The following RBPJ variants were observed in gnomAD, a reference collection of about 807,000 sequenced individuals.
RBPJ encodes the protein recombination signal binding protein for immunoglobulin kappa J region.
A neutral mutation model predicts 67.8 loss-of-function variants in RBPJ; 9 were observed. The observed-to-expected ratio is 0.13, with a 90% CI of 0.08 to 0.23. The LOEUF (loss-of-function observed/expected upper bound fraction) is 0.23, where lower values mean the gene tolerates loss of function less well. RBPJ is among the 10% of genes least tolerant of loss of function. The probability of loss-of-function intolerance (pLI) is 1.00; values close to 1 mark genes in which losing one functional copy is unlikely to be tolerated. For synonymous variants in RBPJ, 198 were observed against 203.3 expected (o/e 0.97, Z 0.22); for missense variants, 305 against 595.6 (o/e 0.51, Z 5.08).
chr4:26,364,555 T>TTGA (rs61103343), intron 1 of RBPJ, among the ~76,000 whole-genome samples: 2,748 of 152,190 alleles, frequency 0.018, 85 homozygotes, highest in African/African-American at 0.064. Flanking sequence ...GCAGAGGTTT[T>TTGA]TGATGTACAG....
chr4:26,405,285 A>G (rs1015189195), intron 2 of RBPJ, among the ~76,000 whole-genome samples: 4 of 152,172 alleles, frequency 2.6e-5, no homozygotes, highest in Non-Finnish European at 5.9e-5. Context: ...TTGTATAGCT[A>G]TGCTCTTATA....
chr4:26,416,404 T>C (rs1305926053), intron 4 of RBPJ, among the ~76,000 whole-genome samples: 1 of 152,058 alleles, frequency 6.6e-6, no homozygotes, highest in African/African-American at 2.4e-5. Flanking sequence ...CTTTTTTGTA[T>C]TTTTTTGTAG....
rs1168473781 is a variant in RBPJ at position 26,424,390 on chromosome 4, C to G, written c.545C>G (p.Ser182Cys). 1 of 1,614,022 alleles carries G rather than the reference C, an allele frequency of 6.2e-7. No individual in the cohort carries two copies. Among genetic ancestry groups the G allele is most frequent in the South Asian group, 1.1e-5 (1 of 91,076 alleles). ...TKVALFNRLRSQTVSTRYLHV... is the reference protein window; with the variant it reads ...TKVALFNRLRCQTVSTRYLHV... ...GTGGCTCTGTTTAATCGACTACGAT[C>G]CCAGACAGTTAGTACCAGATACTTG... is the stretch of plus-strand genomic sequence containing the variant. The change falls in exon 6 of 11, where the codon TCC (serine) becomes TGC (cysteine). Residue 182 changes from serine to cysteine, a missense_variant. Ser to Cys is a moderately radical substitution (Grantham distance 112, BLOSUM62 -1). This residue lies in a region of RBPJ where 66 missense variants were observed against 226.0 expected (regional missense o/e 0.29). Coordinates refer to ENST00000355476, the MANE Select transcript of RBPJ (RefSeq NM_015874.6). The surrounding 1 kb of genome is among the most constrained non-coding windows in gnomAD (Gnocchi z 5.3).
intron 1 of RBPJ, among the ~76,000 whole-genome samples, chr4:26,276,858 G>A (rs1577381177): frequency 6.6e-6 from 1 of 152,152 alleles, no homozygotes; most frequent in African/African-American, 2.4e-5. Flanking sequence ...AGCAAGGGCG[G>A]AGTCAAAAAC....
At chr4:26,331,081 T>C (rs1020430005) in intron 1 of RBPJ, among the ~76,000 whole-genome samples, 1 of 152,094 alleles carries the variant, frequency 6.6e-6, no homozygotes, top group African/African-American at 2.4e-5. Context: ...TCCTGGTTTG[T>C]TTTAGGGGGA....
At chr4:26,129,790 T>C in the RBPJ span, among the ~76,000 whole-genome samples, 12,446 of 152,224 alleles carry the variant, frequency 0.082, 1,688 homozygotes, top group African/African-American at 0.28. Flanking sequence ...ATGGTCTATC[T>C]AGGATGGAGG....
chr4:26,266,257 T>A (rs960119482), intron 1 of RBPJ, among the ~76,000 whole-genome samples: 4 of 151,986 alleles, frequency 2.6e-5, no homozygotes, highest in East Asian at 1.9e-4. Context: ...AGAAAAAAAA[T>A]ATTTTCCTCA....
At chr4:26,231,205 C>T (rs1719271528) in intron 1 of RBPJ, among the ~76,000 whole-genome samples, 1 of 152,150 alleles carries the variant, frequency 6.6e-6, no homozygotes, top group Non-Finnish European at 1.5e-5. Context: ...AGGCTAGAGC[C>T]TCAAGGAGCT....
Position 26,434,497 on chromosome 4 carries a change from C to G in RBPJ, c.*3490C>G, listed in dbSNP as rs1217293019. On this transcript the variant is annotated 3_prime_UTR_variant, in exon 11 of 11. Transcript: ENST00000355476. ...AACAAATGTGTGTAATTTTCTGTGCCAGACTTATGACTTTGTTTTCAAGCA... is the reference window on the plus strand; with the variant it reads ...AACAAATGTGTGTAATTTTCTGTGCGAGACTTATGACTTTGTTTTCAAGCA... The G allele has an allele frequency of 6.6e-6, 1 of 152,150 alleles. No homozygotes were observed. Among genetic ancestry groups the G allele is most frequent in the African/African-American group, 2.4e-5 (1 of 41,442 alleles). The allele number at this position is 152,150 out of a possible 1,614,324, so 9.4% of individuals were successfully genotyped here. A position where few individuals can be genotyped will look rare whatever the true frequency, so the allele number is the denominator to read the frequency against.
intron 2 of RBPJ, among the ~76,000 whole-genome samples, chr4:26,398,740 A>T (rs1431209069): frequency 6.6e-6 from 1 of 152,076 alleles, no homozygotes; most frequent in South Asian, 2.1e-4. Context: ...CAGCCTCCCA[A>T]GTAGCTCAGA....
intron 1 of RBPJ, among the ~76,000 whole-genome samples, chr4:26,244,566 TTA>T (rs1279124293): frequency 6.6e-6 from 1 of 152,168 alleles, no homozygotes; most frequent in South Asian, 2.1e-4. Context: ...TATTGTTATT[TTA>T]TATGACTATA....
intron 1 of RBPJ, among the ~76,000 whole-genome samples, chr4:26,376,700 C>G (rs1729781063): frequency 6.6e-6 from 1 of 152,178 alleles, no homozygotes. Context: ...TTTGAGGAAC[C>G]ATACTGTTTT....
At chr4:26,131,227 T>C in the RBPJ span, among the ~76,000 whole-genome samples, 5 of 152,208 alleles carry the variant, frequency 3.3e-5, no homozygotes, top group African/African-American at 1.2e-4. Context: ...GCGGAAGCTG[T>C]GGCACTAGTA....
chr4:26,413,591 C>T (rs1470196664), intron 3 of RBPJ, among the ~76,000 whole-genome samples: 1 of 152,186 alleles, frequency 6.6e-6, no homozygotes, highest in Admixed American at 6.5e-5. Context: ...ACCCAGCTTA[C>T]TTCTTGTAAG....
Position 26,430,210 on chromosome 4 carries a change from A to C in RBPJ, c.1044+157A>C, listed in dbSNP as rs1736078038. 1.0e-6 allele frequency: 1 copy of C among 959,144 alleles called. No homozygotes were observed. Among genetic ancestry groups the C allele is most frequent in the East Asian group, 2.6e-5 (1 of 38,588 alleles). 59.4% of individuals were successfully genotyped at this position (959,144 alleles called of 1,614,324 possible). ...TTTGTTGATTTAAAGAAAAAAAAAC[A>C]AAATTAGGAGGAGCGTACTTGCCAG... On this transcript the variant is annotated intron_variant, in intron 9 of 10. Coordinates refer to ENST00000355476, the MANE Select transcript of RBPJ (RefSeq NM_015874.6). The surrounding 1 kb of genome is among the most constrained non-coding windows in gnomAD (Gnocchi z 4.1).
At chr4:26,149,006 G>A in the RBPJ span, among the ~76,000 whole-genome samples, 1 of 152,214 alleles carries the variant, frequency 6.6e-6, no homozygotes, top group Admixed American at 6.5e-5. Flanking sequence ...TACTGGGAGT[G>A]TGGTGAAGTC....
the RBPJ span, among the ~76,000 whole-genome samples, chr4:26,137,830 C>A: frequency 6.6e-6 from 1 of 152,184 alleles, no homozygotes; most frequent in African/African-American, 2.4e-5. Context: ...TTCAGCCCTC[C>A]CTAGTCTCAG....
At chr4:26,408,642 A>G (rs1020227562) in intron 3 of RBPJ, among the ~76,000 whole-genome samples, 2 of 152,216 alleles carry the variant, frequency 1.3e-5, no homozygotes, top group Non-Finnish European at 2.9e-5. Flanking sequence ...TAAATATTTT[A>G]AAGTTGTAAT....
At chr4:26,237,981 G>A (rs2109214170) in intron 1 of RBPJ, among the ~76,000 whole-genome samples, 1 of 152,228 alleles carries the variant, frequency 6.6e-6, no homozygotes, top group South Asian at 2.1e-4. Flanking sequence ...CCAAAGTACT[G>A]GAATTAAATT....
Sources: gnomAD v4.1 joint callset for allele counts (sites outside exome capture counted in the v4.1 genomes callset) on GRCh38, gnomAD v4.1.1 for gene constraint, gnomAD v4.1.1 regional missense constraint, Gnocchi (gnomAD v3.1) non-coding constraint, MANE v1.5 for transcripts, NCBI Gene and HGNC (gene_info 2026-07-23, HGNC 2026-07-21) for gene names.